Variants in ZPBP observed in about 807,000 individuals in gnomAD.
ZPBP encodes zona pellucida-binding protein 1.
ZPBP carries 26 observed loss-of-function variants against 44.8 expected under a neutral mutation model. The ratio of observed to expected loss-of-function variants is 0.58; its 90% CI spans 0.43 to 0.81. ZPBP has a LOEUF of 0.81. Among genes scored for constraint, ZPBP ranks in the 30% least tolerant of loss-of-function variants. The pLI, the probability that ZPBP is intolerant of heterozygous loss-of-function variation, is 0.00. For missense variants in ZPBP, 409 were observed against 434.0 expected (o/e 0.94, Z 0.51); for synonymous variants, 174 against 153.2 (o/e 1.14, Z -1.00).
chr7:49,902,554 CAA>C (rs34786165), intron 1 of ZPBP, among the ~76,000 whole-genome samples: 46 of 106,582 alleles, frequency 4.3e-4, no homozygotes, highest in Middle Eastern at 5.1e-3. Context: ...TATCCGTAGC[CAA>C]AAAAAAAAAA....
chr7:49,984,437 C>A (rs1294946809), intron 6 of ZPBP, among the ~76,000 whole-genome samples: 1 of 152,098 alleles, frequency 6.6e-6, no homozygotes, highest in African/African-American at 2.4e-5. Flanking sequence ...GGTTCATAAC[C>A]TTTTTGGCAC....
intron 2 of ZPBP, among the ~76,000 whole-genome samples, chr7:50,086,645 G>A (rs1019223904): frequency 6.6e-6 from 1 of 151,642 alleles, no homozygotes; most frequent in African/African-American, 2.4e-5. Flanking sequence ...GGTCAACATG[G>A]GATTACCCAG....
intron 2 of ZPBP, among the ~76,000 whole-genome samples, chr7:49,868,636 T>G (rs1180532133): frequency 1.3e-5 from 2 of 152,194 alleles, no homozygotes; most frequent in Non-Finnish European, 2.9e-5. Flanking sequence ...GTTTTGTTTT[T>G]AGATGAAGTC....
At chr7:49,864,908 TTGAC>T (rs1246611122) in intron 2 of ZPBP, among the ~76,000 whole-genome samples, 5 of 152,314 alleles carry the variant, frequency 3.3e-5, no homozygotes, top group East Asian at 1.9e-4. Context: ...CTGTAAACCT[TTGAC>T]TGTTTTCCAC....
chr7:50,065,021 T>C (rs926330124), intron 3 of ZPBP, among the ~76,000 whole-genome samples: 1 of 152,238 alleles, frequency 6.6e-6, no homozygotes, highest in Non-Finnish European at 1.5e-5. Flanking sequence ...TAAATGTCCA[T>C]AAAATCTTCA....
At chr7:49,918,380 A>G (rs1793834283) in intron 1 of ZPBP, 1 of 152,184 alleles carries the variant, frequency 6.6e-6, no homozygotes, top group African/African-American at 2.4e-5. Context: ...CTCCCCATAA[A>G]TAAGATAATG....
At chr7:50,072,068 T>A (rs1363151846) in intron 3 of ZPBP, among the ~76,000 whole-genome samples, 4 of 152,210 alleles carry the variant, frequency 2.6e-5, no homozygotes, top group African/African-American at 9.6e-5. Flanking sequence ...ACAAGTGGAC[T>A]CTCAGGATCT....
intron 1 of ZPBP, among the ~76,000 whole-genome samples, chr7:50,091,476 TA>T (rs1562623567): frequency 6.6e-6 from 1 of 152,254 alleles, no homozygotes; most frequent in East Asian, 1.9e-4. Context: ...TCACCTTACA[TA>T]AAAATCAACT....
chr7:50,046,136 A>G (rs944782136), intron 4 of ZPBP, among the ~76,000 whole-genome samples: 1 of 152,238 alleles, frequency 6.6e-6, no homozygotes, highest in Non-Finnish European at 1.5e-5. Flanking sequence ...CACCTTGTAT[A>G]AAAATTAACT....
chr7:49,865,551 T>C (rs190782348), intron 2 of ZPBP, among the ~76,000 whole-genome samples: 5 of 152,330 alleles, frequency 3.3e-5, no homozygotes, highest in Middle Eastern at 3.4e-3. Flanking sequence ...AGCTAACTCA[T>C]AATCCTCCAC....
chr7:49,989,456 A>C (rs565747444), intron 6 of ZPBP, among the ~76,000 whole-genome samples: 1 of 152,346 alleles, frequency 6.6e-6, no homozygotes, highest in East Asian at 1.9e-4. Context: ...AGTGAATCCA[A>C]AAGGTCTATG....
intron 7 of ZPBP, among the ~76,000 whole-genome samples, chr7:49,981,160 T>C (rs898560951): frequency 5.7e-5 from 8 of 140,016 alleles, no homozygotes; most frequent in Non-Finnish European, 4.5e-5. Context: ...AAATCACTGG[T>C]TTTAAATATC....
At chr7:50,007,507 A>G (rs1387617113) in intron 6 of ZPBP, among the ~76,000 whole-genome samples, 3 of 152,100 alleles carry the variant, frequency 2.0e-5, no homozygotes, top group African/African-American at 7.2e-5. Flanking sequence ...CAAAAACTGT[A>G]GAAGACAGAA....
chr7:49,896,316 G>T (rs768644179), intron 2 of ZPBP, among the ~76,000 whole-genome samples: 2 of 152,168 alleles, frequency 1.3e-5, no homozygotes, highest in Non-Finnish European at 2.9e-5. Flanking sequence ...ACTCTACCCT[G>T]AGTGAAAGAG....
intron 7 of ZPBP, among the ~76,000 whole-genome samples, chr7:49,979,910 T>C (rs1253487809): frequency 8.3e-5 from 10 of 120,572 alleles, no homozygotes; most frequent in East Asian, 2.3e-4. Context: ...CATATCTGTG[T>C]TCTGGATATA....
chr7:49,952,270 C>T (rs1021630138), intron 7 of ZPBP, among the ~76,000 whole-genome samples: 4 of 151,778 alleles, frequency 2.6e-5, no homozygotes, highest in South Asian at 2.1e-4. Flanking sequence ...GATCTGTGGA[C>T]CAATATAAAT....
chr7:50,021,899 C>T (rs1268828382), intron 5 of ZPBP, among the ~76,000 whole-genome samples: 1 of 151,960 alleles, frequency 6.6e-6, no homozygotes, highest in African/African-American at 2.4e-5. Context: ...AAATGGGCAA[C>T]CATTTTTTAA....
intron 6 of ZPBP, among the ~76,000 whole-genome samples, chr7:50,003,795 T>C (rs1310899801): frequency 1.3e-5 from 2 of 151,446 alleles, no homozygotes; most frequent in Admixed American, 6.6e-5. Context: ...TTTCAACAAA[T>C]GTTTACAAAG....
chr7:49,997,311 C>T (rs1797890654), intron 6 of ZPBP, among the ~76,000 whole-genome samples: 1 of 152,184 alleles, frequency 6.6e-6, no homozygotes, highest in African/African-American at 2.4e-5. Flanking sequence ...ACTCCATGAG[C>T]TACAATATTA....
Sources: gnomAD v4.1 joint callset for allele counts (sites outside exome capture counted in the v4.1 genomes callset) on GRCh38, gnomAD v4.1.1 for gene constraint, MANE v1.5 for transcripts, NCBI Gene and HGNC (gene_info 2026-07-23, HGNC 2026-07-21) for gene names.